ADCK1: variants seen among roughly 807,000 people sequenced by gnomAD.
ADCK1 encodes the protein aarF domain containing kinase 1, also known as aarF domain-containing protein kinase 1.
ADCK1 carries 41 observed loss-of-function variants against 52.3 expected under a neutral mutation model. The observed-to-expected ratio is 0.78, with a 90% CI of 0.61 to 1.02. The LOEUF (loss-of-function observed/expected upper bound fraction) is 1.02, where lower values mean the gene tolerates loss of function less well. Ranked by LOEUF, ADCK1 falls within the 50% of genes least tolerant of loss-of-function variation. ADCK1 has a pLI of 0.00. For missense variants in ADCK1, 658 were observed against 679.5 expected, an observed-to-expected ratio of 0.97 and a Z score of 0.35; for synonymous variants, 250 against 274.6, an observed-to-expected ratio of 0.91 and a Z score of 0.89.
intron 4 of ADCK1, among the ~76,000 whole-genome samples, chr14:77,866,379 C>T (rs1471126908): frequency 1.3e-5 from 2 of 152,148 alleles, no homozygotes; most frequent in Non-Finnish European, 2.9e-5. Flanking sequence ...CCTTTCTCTT[C>T]CTCTTCCTGA....
At chr14:77,893,521 A>G (rs2083326298) in intron 5 of ADCK1, among the ~76,000 whole-genome samples, 1 of 151,976 alleles carries the variant, frequency 6.6e-6, no homozygotes, top group Non-Finnish European at 1.5e-5. Flanking sequence ...GCCAAGTACT[A>G]TGCCCTTCAT....
chr14:77,813,627 C>T (rs1033794236), intron 1 of ADCK1, among the ~76,000 whole-genome samples: 1 of 151,878 alleles, frequency 6.6e-6, no homozygotes, highest in Non-Finnish European at 1.5e-5. Context: ...TAAATTATTT[C>T]CTTAAAAATC....
intron 3 of ADCK1, among the ~76,000 whole-genome samples, chr14:77,837,264 G>A (rs2081981194): frequency 6.6e-6 from 1 of 151,114 alleles, no homozygotes; most frequent in Non-Finnish European, 1.5e-5. Context: ...AGCCTCCCAA[G>A]TAGTTGGGAT....
At chr14:77,800,209 C>CGGGCCGACCAGCCTGGCA (rs1309851356) in intron 1 of ADCK1, 39 bp downstream of exon 1, 1 of 152,304 alleles carries the variant, frequency 6.6e-6, no homozygotes, top group Non-Finnish European at 1.5e-5. Context: ...GCGCAGAGCT[C>CGGGCCGACCAGCCTGGCA]GGGCCGACCA....
intron 7 of ADCK1, 42 bp from the exon 8 acceptor site, chr14:77,924,415 G>A (rs1212538466): frequency 6.2e-7 from 1 of 1,609,006 alleles, no homozygotes; most frequent in South Asian, 1.1e-5. Flanking sequence ...TCGGATAGAT[G>A]TGAGTGGAGA....
chr14:77,854,747 C>T (rs539523058), intron 3 of ADCK1, among the ~76,000 whole-genome samples: 13 of 152,032 alleles, frequency 8.6e-5, no homozygotes, highest in African/African-American at 3.1e-4. Flanking sequence ...TTAGTAGAGG[C>T]GGGGTTTCAC....
intron 3 of ADCK1, among the ~76,000 whole-genome samples, chr14:77,852,062 G>A (rs2364744): frequency 0.66 from 100,835 of 151,680 alleles, 34,415 homozygotes; most frequent in Middle Eastern, 0.83. Context: ...GCAGTGGTGC[G>A]ATCTCGGCTC....
Position 77,925,846 on chromosome 14 carries a change from A to G in ADCK1, c.1091A>G (p.Tyr364Cys). 6.2e-7 allele frequency: 1 copy of G among 1,614,190 alleles called. No individual in the cohort carries two copies. Among genetic ancestry groups the G allele is most frequent in the Non-Finnish European group, 8.5e-7 (1 of 1,180,024 alleles). ...IWTDMKRVKE[Y>C]SQRLGAGDLY... ...ACTGACATGAAGAGAGTGAAGGAGT[A>G]CAGCCAGCGACTGGGAGCCGGGGAT... The change falls in exon 9 of 11, where the codon TAC (tyrosine) becomes TGC (cysteine). Residue 364 changes from tyrosine to cysteine, a missense_variant. By Grantham distance (194) the Tyr-to-Cys change is radical. Coordinates refer to ENST00000238561, the MANE Select transcript of ADCK1 (RefSeq NM_020421.4).
intron 3 of ADCK1, among the ~76,000 whole-genome samples, chr14:77,834,857 A>G (rs1173497886): frequency 6.6e-6 from 1 of 152,208 alleles, no homozygotes; most frequent in East Asian, 1.9e-4. Context: ...GTGAGGACCT[A>G]CACTTCTAAC....
At chr14:77,850,661 T>G (rs1157767300) in intron 3 of ADCK1, among the ~76,000 whole-genome samples, 1 of 149,544 alleles carries the variant, frequency 6.7e-6, no homozygotes, top group Admixed American at 6.6e-5. Flanking sequence ...TTTTTTTTTT[T>G]TTTTTTTGAG....
intron 1 of ADCK1, among the ~76,000 whole-genome samples, chr14:77,815,675 T>G (rs2140019096): frequency 6.7e-6 from 1 of 150,074 alleles, no homozygotes; most frequent in Non-Finnish European, 1.5e-5. Flanking sequence ...CACACCACCA[T>G]GCCTGGCTAA....
intron 4 of ADCK1, among the ~76,000 whole-genome samples, chr14:77,882,372 G>T (rs1030213323): frequency 1.3e-5 from 2 of 152,250 alleles, no homozygotes; most frequent in African/African-American, 4.8e-5. Context: ...CTTGGTCTTG[G>T]CATCTAGGCC....
chr14:77,904,369 C>T (rs2083611422), intron 6 of ADCK1, among the ~76,000 whole-genome samples: 1 of 152,210 alleles, frequency 6.6e-6, no homozygotes, highest in Non-Finnish European at 1.5e-5. Context: ...TACCCACAGT[C>T]ACACAGCTTT....
chr14:77,929,434 C>G (rs2084271872), intron 9 of ADCK1, among the ~76,000 whole-genome samples: 1 of 152,174 alleles, frequency 6.6e-6, no homozygotes, highest in African/African-American at 2.4e-5. Context: ...CGCTATGTCT[C>G]CTTATATCAT....
At chr14:77,824,000 G>T (rs2140042648) in intron 3 of ADCK1, among the ~76,000 whole-genome samples, 1 of 152,230 alleles carries the variant, frequency 6.6e-6, no homozygotes, top group African/African-American at 2.4e-5. Context: ...CCAGGTTTAA[G>T]TGCTTCTCCT....
intron 4 of ADCK1, among the ~76,000 whole-genome samples, chr14:77,873,628 A>G (rs2082834468): frequency 6.6e-6 from 1 of 152,198 alleles, no homozygotes; most frequent in Non-Finnish European, 1.5e-5. Context: ...TGCAAGTCTC[A>G]TCTTGAATTG....
chr14:77,852,656 A>ATATATATATAT (rs1566666909), intron 3 of ADCK1, among the ~76,000 whole-genome samples: 3 of 26,176 alleles, frequency 1.1e-4, no homozygotes, highest in African/African-American at 1.8e-4. Context: ...TCTTTAAATA[A>ATATATATATAT]ATAAATATAT....
chr14:77,871,362 CTTCT>C (rs1316949629), intron 4 of ADCK1, among the ~76,000 whole-genome samples: 3 of 149,512 alleles, frequency 2.0e-5, no homozygotes, highest in Non-Finnish European at 3.0e-5. Flanking sequence ...TTCCTAACTT[CTTCT>C]TTTTTTTTTG....
chr14:77,841,848 T>TAAAAAA (rs59818962), intron 3 of ADCK1, among the ~76,000 whole-genome samples: 1 of 109,658 alleles, frequency 9.1e-6, no homozygotes, highest in African/African-American at 3.7e-5. Context: ...TGACACTCTT[T>TAAAAAA]AAAAAAAAAA....
Sources: allele counts gnomAD v4.1 joint callset (sites outside exome capture counted in the v4.1 genomes callset), GRCh38; gene constraint gnomAD v4.1.1; transcripts MANE v1.5; gene names NCBI Gene and HGNC (gene_info 2026-07-23, HGNC 2026-07-21).